Variants in SMC6 observed in about 807,000 individuals in gnomAD.
SMC6 encodes structural maintenance of chromosomes 6, also known as structural maintenance of chromosomes protein 6.
In SMC6, 79 loss-of-function variants were observed where a neutral mutation model predicts 142.2. The ratio of observed to expected loss-of-function variants is 0.56; its 90% confidence interval spans 0.46 to 0.67. The LOEUF (loss-of-function observed/expected upper bound fraction) is 0.67. SMC6 is among the 30% of genes least tolerant of loss of function. The pLI is 0.00. For missense variants in SMC6, 1,072 were observed against 1,284.0 expected (o/e 0.83, Z 2.52); for synonymous variants, 411 against 412.4 (o/e 1.00, Z 0.04).
At chr2:17,733,864 C>T (rs141775327) in intron 5 of SMC6, among the ~76,000 whole-genome samples, 3,155 of 152,326 alleles carry the variant, frequency 0.021, 89 homozygotes, top group Non-Finnish European at 0.023. Flanking sequence ...TATACACATA[C>T]ACCTACAGAC....
Position 17,708,620 on chromosome 2 carries a change from A to G in SMC6, c.1845+19T>C, listed in dbSNP as rs752046838. 2 of 1,300,760 alleles carry G rather than the reference A, an allele frequency of 1.5e-6. No individual in the cohort carries two copies. Among genetic ancestry groups the G allele is most frequent in the Non-Finnish European group, 2.1e-6 (2 of 963,624 alleles). 80.6% of individuals were successfully genotyped at this position (1,300,760 alleles called of 1,614,324 possible). On this transcript the variant is annotated intron_variant, in intron 17 of 27. Transcript: ENST00000448223. ...ATTTAACAATAACATCAAATACAGC[A>G]AAGATCTGGAGGTCTTACTTTGATT... is the stretch of plus-strand genomic sequence containing the variant.
At chr2:17,751,207 C>T (rs973277893) in intron 2 of SMC6, among the ~76,000 whole-genome samples, 10 of 151,846 alleles carry the variant, frequency 6.6e-5, no homozygotes, top group African/African-American at 2.2e-4. Flanking sequence ...GGGCTGGGCT[C>T]AGTAGCTCAC....
chr2:17,716,630 G>T, intron 14 of SMC6, 111 bp downstream of exon 14: 1 of 1,104,044 alleles, frequency 9.1e-7, no homozygotes, highest in Non-Finnish European at 1.3e-6. Context: ...TTTTTAAAAA[G>T]ATCCCTTATT....
At chr2:17,740,875 A>G (rs575734927) in intron 4 of SMC6, 5 of 250,600 alleles carry the variant, frequency 2.0e-5, no homozygotes, top group South Asian at 1.7e-4. Context: ...AAAAAAACAA[A>G]AAAAACCCCA....
chr2:17,718,975 TA>T (rs1408019093), intron 11 of SMC6, among the ~76,000 whole-genome samples: 1 of 152,276 alleles, frequency 6.6e-6, no homozygotes, highest in East Asian at 1.9e-4. Context: ...AGTAAGAAGT[TA>T]ATATATTATG....
In SMC6 at chr2:17,665,622, A is replaced by T. The variant is rs779800529; in HGVS notation, c.3162-9T>A. On this transcript the variant is annotated splice_polypyrimidine_tract_variant and intron_variant, in intron 27 of 27. Coordinates refer to ENST00000448223, the MANE Select transcript of SMC6 (RefSeq NM_001142286.2). ...TACTGGATGGAAGTGAACTAGAAGA[A>T]GCAAAATCAATTACTCAAATTTCCA... 1 of 1,537,814 alleles carries T rather than the reference A, an allele frequency of 6.5e-7. No individual in the cohort carries two copies. Among genetic ancestry groups the T allele is most frequent in the South Asian group, 1.2e-5 (1 of 82,804 alleles).
At chr2:17,717,453 C>T (rs1017345475) in intron 12 of SMC6, among the ~76,000 whole-genome samples, 2 of 152,076 alleles carry the variant, frequency 1.3e-5, no homozygotes, top group African/African-American at 4.8e-5. Context: ...GGGCGGATCA[C>T]GAGGTCAGGA....
At chr2:17,730,662 G>A (rs1374217268) in intron 7 of SMC6, among the ~76,000 whole-genome samples, 1 of 151,000 alleles carries the variant, frequency 6.6e-6, no homozygotes, top group African/African-American at 2.4e-5. Context: ...GAGTGCAGTG[G>A]CACAATCTTG....
chr2:17,748,773 C>T (rs1332441056), intron 2 of SMC6, among the ~76,000 whole-genome samples: 2 of 152,118 alleles, frequency 1.3e-5, no homozygotes, highest in Non-Finnish European at 2.9e-5. Context: ...ATTTAATGCC[C>T]TTTTAGAAAC....
chr2:17,708,824 G>GTATATATA (rs10657992), intron 16 of SMC6, 71 bp from the exon 17 acceptor site: 26 of 383,502 alleles, frequency 6.8e-5, no homozygotes, highest in African/African-American at 2.0e-4. Context: ...TGAAAATTGT[G>GTATATATA]TATATATATA....
intron 23 of SMC6, among the ~76,000 whole-genome samples, chr2:17,692,293 T>G (rs1374720822): frequency 6.6e-6 from 1 of 152,204 alleles, no homozygotes; most frequent in East Asian, 1.9e-4. Context: ...TCATGCTACC[T>G]GACTTCAAAC....
At chr2:17,698,256 C>T (rs1572284619) in intron 21 of SMC6, among the ~76,000 whole-genome samples, 2 of 152,102 alleles carry the variant, frequency 1.3e-5, no homozygotes, top group African/African-American at 4.8e-5. Flanking sequence ...GAATTATACA[C>T]TTTAAATGGA....
intron 9 of SMC6, among the ~76,000 whole-genome samples, chr2:17,722,241 T>A (rs2125017419): frequency 6.6e-6 from 1 of 152,238 alleles, no homozygotes; most frequent in South Asian, 2.1e-4. Context: ...CTCAACAATC[T>A]ACAAATCTAA....
intron 23 of SMC6, among the ~76,000 whole-genome samples, chr2:17,693,580 C>T (rs991224592): frequency 6.6e-6 from 1 of 151,884 alleles, no homozygotes; most frequent in Non-Finnish European, 1.5e-5. Context: ...GGAGATATAC[C>T]TAATGTTAAA....
intron 12 of SMC6, 139 bp from the exon 13 acceptor site, chr2:17,717,315 C>T: frequency 1.8e-6 from 1 of 549,772 alleles, no homozygotes; most frequent in Non-Finnish European, 3.1e-6. Context: ...CCATTTGAAA[C>T]CATTACATTT....
chr2:17,731,260 C>T (rs1165301608), intron 6 of SMC6, 121 bp from the exon 7 acceptor site: 2 of 660,352 alleles, frequency 3.0e-6, no homozygotes, highest in African/African-American at 3.7e-5. Context: ...AAGAAAGGTA[C>T]CATTGAATAC....
rs1669127416 is a variant in SMC6 at position 17,717,084 on chromosome 2, C to T, written c.1181+4G>A. 13 of 1,609,030 alleles carry T rather than the reference C, an allele frequency of 8.1e-6. No individual in the cohort carries two copies. The highest frequency in any genetic ancestry group is 1.1e-5 in the Non-Finnish European group (13 of 1,178,592). ...CCATGAAAATTTCAAAGTAACTACC[C>T]TACCTTTTTTTCAGCTCTTCAATTC... On this transcript the variant is annotated splice_donor_region_variant and intron_variant, in intron 13 of 27. Transcript: ENST00000448223.
At chr2:17,708,414 T>C (rs1377353022) in intron 17 of SMC6, among the ~76,000 whole-genome samples, 4 of 152,066 alleles carry the variant, frequency 2.6e-5, no homozygotes, top group East Asian at 1.9e-4. Context: ...ATTTGTGAAA[T>C]GATTTTATAA....
chr2:17,726,018 G>A (rs1005613335), intron 8 of SMC6, among the ~76,000 whole-genome samples: 4 of 147,752 alleles, frequency 2.7e-5, no homozygotes, highest in Non-Finnish European at 4.5e-5. Flanking sequence ...AACCTGAGGG[G>A]TGGAGGCTGC....
Sources: gnomAD v4.1 joint callset for allele counts (sites outside exome capture counted in the v4.1 genomes callset) on GRCh38, gnomAD v4.1.1 for gene constraint, MANE v1.5 for transcripts, NCBI Gene and HGNC (gene_info 2026-07-23, HGNC 2026-07-21) for gene names.